Variants in TJP1 observed in about 807,000 individuals in gnomAD.
The protein encoded by TJP1 is tight junction protein ZO-1.
Under a neutral mutation model 194.2 loss-of-function variants are expected in TJP1, and 43 were observed. The ratio of observed to expected loss-of-function variants is 0.22; its 90% CI spans 0.17 to 0.29. The LOEUF (loss-of-function observed/expected upper bound fraction) is 0.29. TJP1 is among the 10% of genes least tolerant of loss of function. The pLI, the probability that TJP1 is intolerant of heterozygous loss-of-function variation, is 1.00. For synonymous variants in TJP1, 801 were observed against 779.0 expected (o/e 1.03, Z -0.47); for missense variants, 1,971 against 2,185.7 (o/e 0.90, Z 1.96).
intron 2 of TJP1, among the ~76,000 whole-genome samples, chr15:29,881,008 G>C (rs2052907902): frequency 6.6e-6 from 1 of 152,074 alleles, no homozygotes; most frequent in African/African-American, 2.4e-5. Flanking sequence ...TTTTTGAACA[G>C]CTCCAGCTGT....
At chr15:29,910,614 A>G (rs529700767) in intron 2 of TJP1, among the ~76,000 whole-genome samples, 2 of 152,382 alleles carry the variant, frequency 1.3e-5, no homozygotes, top group South Asian at 2.1e-4. Context: ...GAAAGTAATT[A>G]TATTTGTGGT....
chr15:29,761,589 A>C lies in TJP1; in HGVS notation c.862+12T>G. ...TCACTTAGAGGGAACGTTCAAACAG[A>C]ATCACACTCACCGTCTCTCTCAGAG... On this transcript the variant is annotated intron_variant, in intron 7 of 27. Coordinates refer to ENST00000614355, the MANE Select transcript of TJP1 (RefSeq NM_001330239.4). 6.3e-7 allele frequency: 1 copy of C among 1,587,376 alleles called. No homozygotes were observed. The highest frequency in any genetic ancestry group is 8.6e-7 in the Non-Finnish European group (1 of 1,162,298).
At chr15:29,717,708 G>A (rs1369537653) in intron 22 of TJP1, among the ~76,000 whole-genome samples, 2 of 152,142 alleles carry the variant, frequency 1.3e-5, no homozygotes, top group African/African-American at 4.8e-5. Context: ...TTCACATGTC[G>A]AAAAGCACTT....
chr15:29,743,028 A>G (rs756681772), intron 8 of TJP1: 2 of 291,848 alleles, frequency 6.9e-6, no homozygotes, highest in African/African-American at 2.2e-5. Context: ...TCATGAAAGT[A>G]GCATTCCAAA....
chr15:29,861,137 G>A (rs1300285625), intron 2 of TJP1, among the ~76,000 whole-genome samples: 1 of 152,060 alleles, frequency 6.6e-6, no homozygotes, highest in Non-Finnish European at 1.5e-5. Flanking sequence ...CAATTCTCTT[G>A]GGTATATACC....
intron 27 of TJP1, among the ~76,000 whole-genome samples, chr15:29,702,267 CG>C (rs1566842259): frequency 6.6e-6 from 1 of 152,146 alleles, no homozygotes; most frequent in East Asian, 1.9e-4. Flanking sequence ...AGCAAAAAAA[CG>C]AGACTGCACC....
At chr15:29,713,791 G>T (rs2042386722) in intron 23 of TJP1, among the ~76,000 whole-genome samples, 1 of 152,084 alleles carries the variant, frequency 6.6e-6, no homozygotes, top group Non-Finnish European at 1.5e-5. Flanking sequence ...ATACCTATAT[G>T]GGAAAATGCA....
chr15:29,830,749 G>T (rs986608584), intron 2 of TJP1, among the ~76,000 whole-genome samples: 2 of 151,966 alleles, frequency 1.3e-5, no homozygotes, highest in African/African-American at 4.8e-5. Context: ...AAATTCAATA[G>T]CAAGGAGTAC....
At chr15:29,853,033 T>C (rs1211866758) in intron 2 of TJP1, among the ~76,000 whole-genome samples, 1 of 152,186 alleles carries the variant, frequency 6.6e-6, no homozygotes, top group Non-Finnish European at 1.5e-5. Context: ...GGTTAAACTG[T>C]GGTATTCACC....
intron 2 of TJP1, among the ~76,000 whole-genome samples, chr15:29,937,189 T>TC (rs1450927663): frequency 6.6e-6 from 1 of 152,088 alleles, no homozygotes; most frequent in Non-Finnish European, 1.5e-5. Context: ...TGTTTAAGAG[T>TC]CCCACCTATG....
chr15:29,831,980 G>A (rs974064952), intron 2 of TJP1, among the ~76,000 whole-genome samples: 1 of 151,978 alleles, frequency 6.6e-6, no homozygotes, highest in Admixed American at 6.6e-5. Context: ...TCTTTATCAC[G>A]CAAATCAACA....
At chr15:29,797,253 G>C (rs996443488) in intron 2 of TJP1, among the ~76,000 whole-genome samples, 23 of 152,238 alleles carry the variant, frequency 1.5e-4, no homozygotes, top group African/African-American at 4.8e-4. Flanking sequence ...GGGCTCAAGC[G>C]ATTCTCCTGC....
intron 1 of TJP1, among the ~76,000 whole-genome samples, chr15:29,814,221 C>T (rs2049737633): frequency 6.6e-6 from 1 of 152,196 alleles, no homozygotes; most frequent in African/African-American, 2.4e-5. Context: ...GAAGAAAGCA[C>T]ACAAGAATGC....
At chr15:29,865,241 G>A (rs909934980) in intron 2 of TJP1, among the ~76,000 whole-genome samples, 6 of 152,114 alleles carry the variant, frequency 3.9e-5, no homozygotes, top group African/African-American at 9.7e-5. Flanking sequence ...AACAGTTACC[G>A]ACAGTAGCAA....
At chr15:29,717,789 T>C (rs1050330753) in intron 22 of TJP1, among the ~76,000 whole-genome samples, 1 of 152,210 alleles carries the variant, frequency 6.6e-6, no homozygotes, top group Non-Finnish European at 1.5e-5. Context: ...TTGGAGAATA[T>C]CTTTCCGAAA....
intron 2 of TJP1, among the ~76,000 whole-genome samples, chr15:29,937,049 T>A (rs987058258): frequency 9.8e-5 from 15 of 152,338 alleles, no homozygotes; most frequent in African/African-American, 3.6e-4. Flanking sequence ...AACCATAATA[T>A]TTATAAGTGT....
At chr15:29,803,293 G>C (rs1310755575) in intron 1 of TJP1, among the ~76,000 whole-genome samples, 2 of 152,100 alleles carry the variant, frequency 1.3e-5, no homozygotes, top group Non-Finnish European at 2.9e-5. Flanking sequence ...GGGTCAACTT[G>C]ATTTTCTGAC....
At chr15:29,902,468 G>A (rs785434) in intron 2 of TJP1, among the ~76,000 whole-genome samples, 12,809 of 151,852 alleles carry the variant, frequency 0.084, 615 homozygotes, top group South Asian at 0.12. Flanking sequence ...ATCACAACAC[G>A]CACTCAAGTT....
At chr15:29,894,834 C>A (rs2053426840) in intron 2 of TJP1, among the ~76,000 whole-genome samples, 1 of 152,216 alleles carries the variant, frequency 6.6e-6, no homozygotes, top group African/African-American at 2.4e-5. Context: ...ATGGCACTGC[C>A]TGGGGGCTGA....
Sources: gnomAD v4.1 joint callset for allele counts (sites outside exome capture counted in the v4.1 genomes callset) on GRCh38, gnomAD v4.1.1 for gene constraint, MANE v1.5 for transcripts, NCBI Gene and HGNC (gene_info 2026-07-23, HGNC 2026-07-21) for gene names.